The following SGK1 variants were observed in gnomAD, a reference collection of about 807,000 sequenced individuals.
SGK1 encodes the protein serine/threonine-protein kinase Sgk1.
A neutral mutation model predicts 64.2 loss-of-function variants in SGK1; 26 were observed. The ratio of observed to expected loss-of-function variants is 0.40; its 90% CI spans 0.30 to 0.56. The LOEUF (loss-of-function observed/expected upper bound fraction) is 0.56. Among genes scored for constraint, SGK1 ranks in the 20% least tolerant of loss-of-function variants. The pLI, the probability that SGK1 is intolerant of heterozygous loss-of-function variation, is 0.38. For synonymous variants in SGK1, 265 were observed against 239.7 expected, an observed-to-expected ratio of 1.11 and a Z score of -0.98; for missense variants, 519 against 645.6, an observed-to-expected ratio of 0.80 and a Z score of 2.12.
chr6:134,173,749 T>G (rs1451833888), intron 5 of SGK1, 183 bp from the exon 6 acceptor site: 2 of 606,658 alleles, frequency 3.3e-6, no homozygotes, highest in Non-Finnish European at 5.7e-6. Flanking sequence ...CACAGTCATG[T>G]TGTTTCAGAC....
At chr6:134,255,025 C>T (rs138746356) in intron 2 of SGK1, among the ~76,000 whole-genome samples, 2,607 of 152,218 alleles carry the variant, frequency 0.017, 81 homozygotes, top group African/African-American at 0.058. Flanking sequence ...TGCGCCACCA[C>T]GCCTGGCTAA....
At chr6:134,260,030 T>C (rs1440496424) in intron 2 of SGK1, 2 of 152,112 alleles carry the variant, frequency 1.3e-5, no homozygotes, top group African/African-American at 4.8e-5. Flanking sequence ...TTCATATCAA[T>C]CTCATTTGAT....
At chr6:134,263,975 T>C (rs2114750822) in intron 1 of SGK1, among the ~76,000 whole-genome samples, 1 of 152,240 alleles carries the variant, frequency 6.6e-6, no homozygotes. Flanking sequence ...AGAAAGGTAC[T>C]ATTTTCAATC....
intron 2 of SGK1, among the ~76,000 whole-genome samples, chr6:134,211,058 G>C (rs1406631881): frequency 2.6e-5 from 4 of 151,592 alleles, no homozygotes; most frequent in Non-Finnish European, 1.5e-5. Flanking sequence ...CTGGGAGGCA[G>C]AGGTTGCAGT....
chr6:134,174,433 T>C, intron 4 of SGK1, 78 bp downstream of exon 4: 1 of 1,047,214 alleles, frequency 9.5e-7, no homozygotes, highest in Non-Finnish European at 1.5e-6. Flanking sequence ...GCCTTCCCGA[T>C]AAACGCCGTG....
In SGK1 at chr6:134,170,203, CAAAAGGCTAACT is replaced by C; in HGVS notation, c.*53_*64del. 1 of 1,438,982 alleles carries C rather than the reference CAAAAGGCTAACT, an allele frequency of 6.9e-7. No individual in the cohort carries two copies. Among genetic ancestry groups the C allele is most frequent in the Non-Finnish European group, 9.5e-7 (1 of 1,054,244 alleles). The allele number at this position is 1,438,982 out of a possible 1,614,324, so 89.1% of individuals were successfully genotyped here. On this transcript the variant is annotated 3_prime_UTR_variant, in exon 14 of 14. Coordinates refer to ENST00000367858, the MANE Select transcript of SGK1 (RefSeq NM_001143676.3). ...ATGTCCTGTCAGCTGGCGGCTCCAC[CAAAAGGCTAACT>C]AAAACATTCGGAAACACACATAAAA...
At chr6:134,174,415 A>T (rs1775141079) in intron 4 of SGK1, 96 bp downstream of exon 4, 2 of 814,534 alleles carry the variant, frequency 2.5e-6, no homozygotes, top group African/African-American at 1.7e-5. Flanking sequence ...ACCCCAGAAG[A>T]AGTCTTCGCC....
chr6:134,308,942 G>A (rs1777573478), intron 1 of SGK1, among the ~76,000 whole-genome samples: 1 of 152,178 alleles, frequency 6.6e-6, no homozygotes, highest in South Asian at 2.1e-4. Context: ...GAGAAAGAGA[G>A]AGAGACAGGA....
intron 2 of SGK1, among the ~76,000 whole-genome samples, chr6:134,254,044 G>A (rs1776644181): frequency 6.6e-6 from 1 of 150,908 alleles, no homozygotes; most frequent in Non-Finnish European, 1.5e-5. Flanking sequence ...TCTGGAATGT[G>A]CGTGATTTAC....
At chr6:134,229,370 G>C (rs1434948706) in intron 2 of SGK1, among the ~76,000 whole-genome samples, 1 of 152,140 alleles carries the variant, frequency 6.6e-6, no homozygotes, top group Non-Finnish European at 1.5e-5. Context: ...AAAAGAATAA[G>C]CCTGTAGCAC....
rs780464572 is a variant in SGK1, at chr6:134,173,958, ACTCCC to A, written c.513+42_513+46del. ...TCCATTAATGTAGGAATACTAACTG[ACTCCC>A]TTACAGTTCTCCACAGATGCACGGC... On this transcript the variant is annotated intron_variant, in intron 5 of 13. Coordinates refer to ENST00000367858, the MANE Select transcript of SGK1 (RefSeq NM_001143676.3). 6.2e-6 allele frequency: 8 copies of A among 1,284,286 alleles called. No individual in the cohort carries two copies. The South Asian group carries it at 9.9e-5, about 16-fold the overall frequency. 79.6% of individuals were successfully genotyped at this position (1,284,286 alleles called of 1,614,324 possible).
At chr6:134,266,862 T>C (rs1776862136) in intron 1 of SGK1, among the ~76,000 whole-genome samples, 1 of 152,214 alleles carries the variant, frequency 6.6e-6, no homozygotes, top group Admixed American at 6.5e-5. Flanking sequence ...TCATTAGAGA[T>C]GGATAATGTT....
chr6:134,207,854 A>G (rs921671801), intron 2 of SGK1, among the ~76,000 whole-genome samples: 1 of 152,238 alleles, frequency 6.6e-6, no homozygotes, highest in African/African-American at 2.4e-5. Flanking sequence ...CTTTTAGTAC[A>G]TATTGCTTGG....
At chr6:134,201,915 C>G (rs1775692087) in intron 3 of SGK1, among the ~76,000 whole-genome samples, 1 of 152,052 alleles carries the variant, frequency 6.6e-6, no homozygotes. Flanking sequence ...AGTGTAGAAA[C>G]CACGGGAGAA....
intron 3 of SGK1, among the ~76,000 whole-genome samples, chr6:134,176,949 C>T (rs1775249120): frequency 6.6e-6 from 1 of 152,238 alleles, no homozygotes; most frequent in Non-Finnish European, 1.5e-5. Flanking sequence ...GGCGCAGTGG[C>T]TCACGCCTGT....
chr6:134,175,459 G>A (rs1326974503), intron 3 of SGK1: 3 of 1,322,852 alleles, frequency 2.3e-6, no homozygotes, highest in East Asian at 3.1e-5. Flanking sequence ...CCGGCCCCGA[G>A]AACTCCGACG....
intron 2 of SGK1, among the ~76,000 whole-genome samples, chr6:134,232,041 A>G (rs1267854290): frequency 6.6e-6 from 1 of 150,724 alleles, no homozygotes; most frequent in South Asian, 2.1e-4. Flanking sequence ...TTCATCTCAA[A>G]AAAAAAAAAA....
intron 3 of SGK1, among the ~76,000 whole-genome samples, chr6:134,204,025 T>C (rs1302927811): frequency 1.3e-5 from 2 of 150,040 alleles, no homozygotes; most frequent in Non-Finnish European, 3.0e-5. Context: ...GCCGAGATCA[T>C]GCCATTGCAC....
intron 2 of SGK1, among the ~76,000 whole-genome samples, chr6:134,254,330 A>G (rs1463720055): frequency 6.6e-6 from 1 of 152,164 alleles, no homozygotes; most frequent in Non-Finnish European, 1.5e-5. Flanking sequence ...AAACTGATTG[A>G]CAGGCAGAAG....
Sources: allele counts gnomAD v4.1 joint callset (sites outside exome capture counted in the v4.1 genomes callset), GRCh38; gene constraint gnomAD v4.1.1; transcripts MANE v1.5; gene names NCBI Gene and HGNC (gene_info 2026-07-23, HGNC 2026-07-21).